MGA: variants seen among roughly 807,000 people sequenced by gnomAD.
MGA encodes the protein MAX dimerization protein MGA, also known as MAX gene-associated protein.
A neutral mutation model predicts 261.1 loss-of-function variants in MGA; 40 were observed. That is an observed-to-expected ratio of 0.15 (90% CI 0.12 to 0.20). The LOEUF is 0.20. Among genes scored for constraint, MGA ranks in the 10% least tolerant of loss-of-function variants. The probability of loss-of-function intolerance (pLI) is 1.00; values close to 1 mark genes in which losing one functional copy is unlikely to be tolerated. For synonymous variants in MGA, 1,302 were observed against 1,290.6 expected, an observed-to-expected ratio of 1.01 and a Z score of -0.19; for missense variants, 3,397 against 3,630.5, an observed-to-expected ratio of 0.94 and a Z score of 1.65.
rs1297743156 is a variant in MGA, at chr15:41,698,938, T to C, written c.2089T>C (p.Ser697Pro). ...TCTCCAGGCATCAACCACAAATGAC[T>C]CAGGTATTATAAAATAGTATAAAAA... The change falls in exon 4 of 24, where the codon TCA becomes CCA. Residue 697 changes from serine to proline, a missense_variant. Ser to Pro is a moderately conservative substitution (Grantham distance 74). Transcript: ENST00000219905. 6.5e-7 allele frequency: 1 copy of C among 1,549,488 alleles called. No individual in the cohort carries two copies. The highest frequency in any genetic ancestry group is 2.4e-5 in the East Asian group (1 of 40,864).
At chr15:41,658,653 A>C (rs115934699), upstream of MGA, among the ~76,000 whole-genome samples, 1 of 147,742 alleles carries the variant, frequency 6.8e-6, no homozygotes, top group African/African-American at 2.5e-5. Flanking sequence ...AACTATGGAT[A>C]GTTTTCCTCT....
intron 9 of MGA, among the ~76,000 whole-genome samples, chr15:41,717,003 A>C (rs1300975624): frequency 6.6e-6 from 1 of 152,284 alleles, no homozygotes; most frequent in African/African-American, 2.4e-5. Context: ...AGGTTCTATC[A>C]TTTAAACCTT....
chr15:41,749,494 G>C lies in MGA; in HGVS notation c.5887G>C (p.Val1963Leu), dbSNP rs1265491382. Residue 1963 changes from valine to leucine, a missense_variant, in exon 17 of 24, where the codon GTT becomes CTT. Transcript: ENST00000219905. ...TGTTCCTAGCTCCATTCTTCAGCAT[G>C]TTGCTTCCCTTCAGATGAAGAGAGA... 2 of 1,613,968 alleles carry C rather than the reference G, an allele frequency of 1.2e-6. No individual in the cohort carries two copies. The highest frequency in any genetic ancestry group is 1.7e-6 in the Non-Finnish European group (2 of 1,179,892).
At chr15:41,674,146 C>A (rs1375659207) in intron 2 of MGA, among the ~76,000 whole-genome samples, 4 of 152,140 alleles carry the variant, frequency 2.6e-5, no homozygotes, top group African/African-American at 9.7e-5. Flanking sequence ...CCTACCTCAG[C>A]TTCCCAAGTG....
intron 2 of MGA, among the ~76,000 whole-genome samples, chr15:41,693,005 T>A (rs532033964): frequency 6.6e-5 from 10 of 152,228 alleles, no homozygotes; most frequent in South Asian, 2.1e-4. Context: ...GCCAATTTTT[T>A]AAAAAATATT....
rs1474918148 is a variant in MGA, at chr15:41,696,859, C to T, written c.1849C>T (p.Pro617Ser). 6.3e-7 allele frequency: 1 copy of T among 1,597,852 alleles called. No homozygotes were observed. The highest frequency in any genetic ancestry group is 8.5e-7 in the Non-Finnish European group (1 of 1,171,974). ...AAATGTCCCTGGAAAAAGAGGAAGGCCACGAAAATTGAAACTCTGTAAGGC... is the reference window on the plus strand; with the variant it reads ...AAATGTCCCTGGAAAAAGAGGAAGGTCACGAAAATTGAAACTCTGTAAGGC... Residue 617 changes from proline (P) to serine (S), a missense_variant, in exon 3 of 24, where the codon CCA (proline) becomes TCA (serine). By Grantham distance (74) the Pro-to-Ser change is moderately conservative. Around this residue, in one of 9 missense-constraint regions of MGA, gnomAD observed 563 missense variants for 563.6 expected, o/e 1.00. Coordinates refer to ENST00000219905, the MANE Select transcript of MGA (RefSeq NM_001164273.2).
intron 17 of MGA, among the ~76,000 whole-genome samples, chr15:41,752,958 T>A (rs2062935414): frequency 6.6e-6 from 1 of 152,234 alleles, no homozygotes; most frequent in African/African-American, 2.4e-5. Flanking sequence ...AAGGTCATAT[T>A]AAGTGATCTC....
In MGA at chr15:41,719,401, T is replaced by C. The variant is rs187388191; in HGVS notation, c.3430+5905T>C. On this transcript the variant is annotated intron_variant, in intron 9 of 23. Transcript: ENST00000219905. ...ATAGAAATTGGCAAGTTTCTAAAAT[T>C]TTTATGAAAAACAGAGGACTTAGAA... Among the ~76,000 whole-genome samples the C allele has an allele frequency of 2.6e-4, 40 of 152,252 alleles. No homozygotes were observed. In the East Asian group the frequency reaches 7.5e-3, roughly 29 times the overall value.
chr15:41,729,876 T>C (rs1318365710), intron 11 of MGA, among the ~76,000 whole-genome samples: 1 of 151,998 alleles, frequency 6.6e-6, no homozygotes. Context: ...TTTTCTTTTT[T>C]GTTATAATAA....
intron 15 of MGA, among the ~76,000 whole-genome samples, chr15:41,747,216 G>C (rs753782106): frequency 6.6e-6 from 1 of 151,836 alleles, no homozygotes; most frequent in Non-Finnish European, 1.5e-5. Context: ...CATTTTGGGG[G>C]GCTTAAGTAA....
chr15:41,711,568 T>C (rs1444069965), intron 8 of MGA, among the ~76,000 whole-genome samples: 1 of 152,182 alleles, frequency 6.6e-6, no homozygotes, highest in African/African-American at 2.4e-5. Context: ...AGAGTACAAT[T>C]GCACTTTTGA....
chr15:41,656,344 T>TTCTCTCTCTCCTCTCTCTCTCTCTC (rs2057178106), upstream of MGA, among the ~76,000 whole-genome samples: 2 of 59,988 alleles, frequency 3.3e-5, no homozygotes, highest in African/African-American at 9.5e-5. Flanking sequence ...CTCTCCTCTC[T>TTCTCTCTCTCCTCTCTCTCTCTCTC]TCTCTCTCTC....
In MGA at chr15:41,742,662, T is replaced by C. The variant is rs777288053; in HGVS notation, c.4702T>C (p.Phe1568Leu). 1.8e-5 allele frequency: 29 copies of C among 1,613,890 alleles called. No individual in the cohort carries two copies. In the African/African-American group the frequency reaches 3.5e-4, roughly 19 times the overall value. Residue 1568 changes from phenylalanine (F) to leucine (L), a missense_variant, in exon 15 of 24, where the codon TTC (phenylalanine) becomes CTC (leucine). Phe to Leu is a conservative substitution (Grantham distance 22). Transcript: ENST00000219905. ...CCAAACCCTGGCAGGGACACAGAAG[T>C]TCAGTATCAGACCTTCTCCAGTAAT...
At chr15:41,656,883 T>TCTCTCACTTCAGCCTCC (rs1460563323), upstream of MGA, among the ~76,000 whole-genome samples, 1 of 151,924 alleles carries the variant, frequency 6.6e-6, no homozygotes, top group Non-Finnish European at 1.5e-5. Context: ...GTCAAGCATT[T>TCTCTCACTTCAGCCTCC]CTCTCACTTC....
At chr15:41,623,113 G>GAT (rs10549621) in intron 1 of MGA, among the ~76,000 whole-genome samples, 1 of 152,338 alleles carries the variant, frequency 6.6e-6, no homozygotes, top group Admixed American at 6.5e-5. Context: ...GCAACAGAGA[G>GAT]ATATGGCTGG....
At chr15:41,631,315 T>TACA (rs1423397689) in intron 1 of MGA, among the ~76,000 whole-genome samples, 1 of 152,182 alleles carries the variant, frequency 6.6e-6, no homozygotes, top group East Asian at 1.9e-4. Flanking sequence ...TTTGATATGA[T>TACA]AAAAGCCATA....
chr15:41,645,539 GTGCCACT>G (rs777190546), intron 1 of MGA, among the ~76,000 whole-genome samples: 231 of 152,268 alleles, frequency 1.5e-3, no homozygotes, highest in Admixed American at 3.2e-3. Context: ...AGCTGAGATT[GTGCCACT>G]GCACTCCAGC....
chr15:41,739,593 A>G (rs796796829), intron 13 of MGA, among the ~76,000 whole-genome samples: 7 of 152,318 alleles, frequency 4.6e-5, no homozygotes, highest in African/African-American at 1.4e-4. Flanking sequence ...AAGGAAAACA[A>G]TTGGATAATT....
Position 41,769,007 on chromosome 15 carries a change from A to C in MGA, c.*1727A>C, listed in dbSNP as rs1017536155. The C allele has an allele frequency of 4.6e-5, 7 of 152,650 alleles. No individual in the cohort carries two copies. The highest frequency in any genetic ancestry group is 1.7e-4 in the African/African-American group (7 of 41,462). The allele number at this position is 152,650 out of a possible 1,614,324, so 9.5% of individuals were successfully genotyped here. On this transcript the variant is annotated 3_prime_UTR_variant, in exon 24 of 24. Coordinates refer to ENST00000219905, the MANE Select transcript of MGA (RefSeq NM_001164273.2). ...AAAGGTTACTAAAGAAGCCTGAAGT[A>C]GGTAAAGAGTGCTCCTCAGCTTCTT...
Sources: gnomAD v4.1 joint callset for allele counts (sites outside exome capture counted in the v4.1 genomes callset) on GRCh38, gnomAD v4.1.1 for gene constraint, gnomAD v4.1.1 regional missense constraint, MANE v1.5 for transcripts, NCBI Gene and HGNC (gene_info 2026-07-23, HGNC 2026-07-21) for gene names.